FAM135B: variants seen among roughly 807,000 people sequenced by gnomAD.
The protein encoded by FAM135B is protein FAM135B.
A neutral mutation model predicts 127.7 loss-of-function variants in FAM135B; 43 were observed. That is an observed-to-expected ratio of 0.34 (90% confidence interval 0.26 to 0.43). FAM135B has a LOEUF of 0.43. Among genes scored for constraint, FAM135B ranks in the 20% least tolerant of loss-of-function variants. FAM135B has a pLI of 1.00. For synonymous variants in FAM135B, 670 were observed against 665.1 expected, an observed-to-expected ratio of 1.01 and a Z score of -0.11; for missense variants, 1,558 against 1,725.6, an observed-to-expected ratio of 0.90 and a Z score of 1.72.
At chr8:138,215,591 G>A (rs372682158) in intron 7 of FAM135B, among the ~76,000 whole-genome samples, 2 of 152,232 alleles carry the variant, frequency 1.3e-5, no homozygotes, top group Admixed American at 6.5e-5. Context: ...TTCTATGACA[G>A]AAGTTAGCAA....
chr8:138,446,318 T>C (rs569076225), intron 1 of FAM135B, among the ~76,000 whole-genome samples: 14 of 152,184 alleles, frequency 9.2e-5, no homozygotes, highest in African/African-American at 3.4e-4. Context: ...CAAGTTCATA[T>C]GGAACCAAAA....
At chr8:138,406,710 C>A (rs925881311) in intron 1 of FAM135B, among the ~76,000 whole-genome samples, 3 of 151,372 alleles carry the variant, frequency 2.0e-5, no homozygotes, top group African/African-American at 7.3e-5. Flanking sequence ...AATTCAACAA[C>A]CGTTCATGCT....
intron 14 of FAM135B, 94 bp from the exon 15 acceptor site, chr8:138,146,144 AT>A (rs1164278254): frequency 1.0e-5 from 7 of 672,714 alleles, no homozygotes; most frequent in Admixed American, 2.7e-5. Flanking sequence ...CTCTTTCCCC[AT>A]TTCTACTGGG....
At chr8:138,235,395 T>C (rs1820196849) in intron 7 of FAM135B, among the ~76,000 whole-genome samples, 1 of 152,218 alleles carries the variant, frequency 6.6e-6, no homozygotes, top group Non-Finnish European at 1.5e-5. Context: ...AATGGCAGTA[T>C]CTCTGCTCAA....
intron 12 of FAM135B, among the ~76,000 whole-genome samples, chr8:138,165,436 T>TA (rs917809506): frequency 3.4e-4 from 52 of 152,028 alleles, no homozygotes; most frequent in South Asian, 1.5e-3. Context: ...ACTAATTTAT[T>TA]AAAAAAATAG....
chr8:138,197,477 AGCT>A, intron 8 of FAM135B, 36 bp downstream of exon 8: 1 of 1,595,136 alleles, frequency 6.3e-7, no homozygotes, highest in Non-Finnish European at 8.6e-7. Context: ...GAGGCACATG[AGCT>A]GCTGGGATGG....
chr8:138,211,827 G>T (rs1818165370), intron 7 of FAM135B, among the ~76,000 whole-genome samples: 1 of 152,144 alleles, frequency 6.6e-6, no homozygotes. Flanking sequence ...CAGCACTTTG[G>T]GAGGCTGAGG....
Position 138,434,132 on chromosome 8 carries a change from T to A in FAM135B, c.-20+62539A>T, listed in dbSNP as rs117976778. Among the ~76,000 whole-genome samples, 119 of 152,338 alleles carry A rather than the reference T, an allele frequency of 7.8e-4. 3 individuals are homozygous for A. In the East Asian group the frequency reaches 0.022, roughly 28 times the overall value. On this transcript the variant is annotated intron_variant, in intron 1 of 19. Transcript: ENST00000395297. ...GGACAAAATATTATTAGTTTAGCTG[T>A]GTTTTAGCTCCAGCTTTCTCTATGA...
At position 138,242,360 on chromosome 8, in the gene FAM135B, C is replaced by A. The variant is rs1820876058; in HGVS notation, c.669+582G>T. On this transcript the variant is annotated intron_variant, in intron 7 of 19. Transcript: ENST00000395297. This position sits in a 1 kb window ranked among gnomAD's most constrained non-coding sequence, Gnocchi z 9.6. The stretch of plus-strand genomic sequence containing the variant: ...AGAATCATACCCTGTGTGGTTAAAG[C>A]CCTGCACATCACAGAAGAGCAGGGG... Among the ~76,000 whole-genome samples the A allele has an allele frequency of 6.6e-6, 1 of 151,854 alleles. No individual in the cohort carries two copies. The highest frequency in any genetic ancestry group is 6.6e-5 in the Admixed American group (1 of 15,222).
intron 1 of FAM135B, among the ~76,000 whole-genome samples, chr8:138,471,485 G>C (rs1221697600): frequency 2.6e-5 from 4 of 152,094 alleles, no homozygotes; most frequent in Non-Finnish European, 5.9e-5. Context: ...GGTGACACAG[G>C]CATATATGGA....
At chr8:138,457,050 G>T (rs1249298014) in intron 1 of FAM135B, among the ~76,000 whole-genome samples, 1 of 150,750 alleles carries the variant, frequency 6.6e-6, no homozygotes, top group Admixed American at 6.6e-5. Flanking sequence ...TTTACATGTG[G>T]AATTAAAAAT....
At chr8:138,147,762 C>A (rs962463586) in intron 14 of FAM135B, among the ~76,000 whole-genome samples, 3 of 149,460 alleles carry the variant, frequency 2.0e-5, no homozygotes, top group African/African-American at 7.4e-5. Context: ...CATTCCTCAT[C>A]TTTCACATGC....
At chr8:138,288,050 T>C (rs1232702130) in intron 3 of FAM135B, among the ~76,000 whole-genome samples, 1 of 152,226 alleles carries the variant, frequency 6.6e-6, no homozygotes, top group Non-Finnish European at 1.5e-5. Context: ...TTATCACTTA[T>C]GTAGCAAAAT....
intron 7 of FAM135B, among the ~76,000 whole-genome samples, chr8:138,228,727 C>G (rs914263270): frequency 6.6e-6 from 1 of 152,076 alleles, no homozygotes; most frequent in Non-Finnish European, 1.5e-5. Context: ...TATCATCAGG[C>G]CAGCATGGGA....
intron 7 of FAM135B, among the ~76,000 whole-genome samples, chr8:138,239,375 T>C (rs1430362351): frequency 1.3e-5 from 2 of 152,236 alleles, no homozygotes; most frequent in Admixed American, 1.3e-4. Context: ...GAAGTGTCTG[T>C]TCATATCCTT....
rs760819717 is a variant in FAM135B at position 138,148,571 on chromosome 8, C to G, written c.3397G>C (p.Glu1133Gln). ...IPYFPPEEEE[E>Q]NLEDGIHLVV... is the part of the protein sequence containing the mutation. ...AGGTGAATTCCATCTTCCAAATTTT[C>G]TTCCTCTTCCTCTGGTGGGAAATAT... Residue 1133 changes from glutamate to glutamine, a missense_variant, in exon 14 of 20, where the codon GAA (glutamate) becomes CAA (glutamine). Coordinates refer to ENST00000395297, the MANE Select transcript of FAM135B (RefSeq NM_015912.4). The G allele has an allele frequency of 1.2e-6, 2 of 1,614,022 alleles. No homozygotes were observed. The highest frequency in any genetic ancestry group is 1.7e-6 in the Non-Finnish European group (2 of 1,179,910).
chr8:138,424,663 A>G (rs1834736001), intron 1 of FAM135B, among the ~76,000 whole-genome samples: 1 of 152,232 alleles, frequency 6.6e-6, no homozygotes, highest in Non-Finnish European at 1.5e-5. Context: ...ATCCACAATT[A>G]GGAAGCAATG....
chr8:138,432,205 T>G (rs56946539), intron 1 of FAM135B, among the ~76,000 whole-genome samples: 8,987 of 152,242 alleles, frequency 0.059, 341 homozygotes, highest in East Asian at 0.19. Context: ...GTAGTCAGCA[T>G]AAAGGTAAAA....
At chr8:138,380,283 C>T (rs1017663404) in intron 1 of FAM135B, among the ~76,000 whole-genome samples, 9 of 152,190 alleles carry the variant, frequency 5.9e-5, no homozygotes, top group Admixed American at 2.0e-4. Context: ...CAGCAACCTC[C>T]GCCTCCTGGG....
Sources: gnomAD v4.1 joint callset for allele counts (sites outside exome capture counted in the v4.1 genomes callset) on GRCh38, gnomAD v4.1.1 for gene constraint, Gnocchi (gnomAD v3.1) non-coding constraint, MANE v1.5 for transcripts, NCBI Gene and HGNC (gene_info 2026-07-23, HGNC 2026-07-21) for gene names.